GHR: variants seen among roughly 807,000 people sequenced by gnomAD.
GHR encodes growth hormone receptor.
Under a neutral mutation model 67.1 loss-of-function variants are expected in GHR, and 35 were observed. That is an observed-to-expected ratio of 0.52 (90% CI 0.40 to 0.69). The LOEUF is 0.69. Among genes scored for constraint, GHR ranks in the 30% least tolerant of loss-of-function variants. The probability of loss-of-function intolerance (pLI) is 0.00; values close to 1 mark genes in which losing one functional copy is unlikely to be tolerated. For synonymous variants in GHR, 272 were observed against 269.1 expected (o/e 1.01, Z -0.10); for missense variants, 792 against 764.6 (o/e 1.04, Z -0.42).
intron 1 of GHR, chr5:42,565,568 G>A (rs534206265): frequency 1.0e-6 from 1 of 985,392 alleles, no homozygotes; most frequent in East Asian, 1.1e-4. Context: ...GCTGTGCATG[G>A]GGGTCGTTTG....
At chr5:42,456,857 A>G (rs1029555001) in intron 1 of GHR, among the ~76,000 whole-genome samples, 2 of 152,206 alleles carry the variant, frequency 1.3e-5, no homozygotes, top group African/African-American at 2.4e-5. Context: ...GAGAAACTCC[A>G]TCTCATTAAT....
intron 3 of GHR, among the ~76,000 whole-genome samples, chr5:42,666,798 T>C (rs542828829): frequency 1.2e-3 from 183 of 152,308 alleles, no homozygotes; most frequent in African/African-American, 4.3e-3. Flanking sequence ...CAGGTGATGC[T>C]TGTTCACATG....
At chr5:42,570,983 G>A (rs1561130965) in intron 2 of GHR, among the ~76,000 whole-genome samples, 1 of 152,160 alleles carries the variant, frequency 6.6e-6, no homozygotes, top group Non-Finnish European at 1.5e-5. Context: ...ATGTTAAGAA[G>A]ACAGAATTAC....
At chr5:42,554,264 TAAAG>T (rs1749191734) in intron 1 of GHR, among the ~76,000 whole-genome samples, 1 of 151,968 alleles carries the variant, frequency 6.6e-6, no homozygotes, top group African/African-American at 2.4e-5. Flanking sequence ...ATTTTGGAGA[TAAAG>T]AAGTTGAGGC....
chr5:42,521,086 G>T (rs1231004355), intron 1 of GHR, among the ~76,000 whole-genome samples: 1 of 152,200 alleles, frequency 6.6e-6, no homozygotes, highest in Non-Finnish European at 1.5e-5. Context: ...TCTTGAAAGT[G>T]TACGTGTGCA....
At chr5:42,649,538 T>A (rs185559108) in intron 3 of GHR, among the ~76,000 whole-genome samples, 360 of 152,292 alleles carry the variant, frequency 2.4e-3, no homozygotes, top group Non-Finnish European at 3.7e-3. Context: ...CACTTGATAC[T>A]TGCAAAGTAA....
intron 1 of GHR, among the ~76,000 whole-genome samples, chr5:42,489,149 C>T (rs1020227920): frequency 6.6e-6 from 1 of 152,124 alleles, no homozygotes; most frequent in Non-Finnish European, 1.5e-5. Flanking sequence ...CTCTGCCTTA[C>T]CCTCTCTTTT....
chr5:42,635,937 G>A lies in GHR; in HGVS notation c.136+6834G>A, dbSNP rs563654065. Among the ~76,000 whole-genome samples, 16 of 151,914 alleles carry A rather than the reference G, an allele frequency of 1.1e-4. No homozygotes were observed. In the East Asian group the frequency reaches 1.9e-3, roughly 18 times the overall value. On this transcript the variant is annotated intron_variant, in intron 3 of 9. Transcript: ENST00000230882. ...GAGTAAAAAAAATTTTAGGCCAGAC[G>A]CGGTGGCTCATGCCTGTAATCCCAG...
At chr5:42,513,101 T>C (rs1747089586) in intron 1 of GHR, among the ~76,000 whole-genome samples, 2 of 152,206 alleles carry the variant, frequency 1.3e-5, no homozygotes, top group South Asian at 4.1e-4. Context: ...TTGTGTATCA[T>C]TAGCAATAGC....
At chr5:42,480,844 T>C (rs1745595913) in intron 1 of GHR, among the ~76,000 whole-genome samples, 1 of 152,236 alleles carries the variant, frequency 6.6e-6, no homozygotes, top group Admixed American at 6.5e-5. Flanking sequence ...TTTATCCAAT[T>C]TGCCAGCCTG....
At chr5:42,471,169 C>T (rs1192289390) in intron 1 of GHR, among the ~76,000 whole-genome samples, 1 of 152,182 alleles carries the variant, frequency 6.6e-6, no homozygotes, top group East Asian at 1.9e-4. Flanking sequence ...CCCTCAGATT[C>T]CTGGTGCCTG....
At chr5:42,514,762 C>T (rs74393808) in intron 1 of GHR, 1 of 152,236 alleles carries the variant, frequency 6.6e-6, no homozygotes, top group Non-Finnish European at 1.5e-5. Flanking sequence ...GTGGAAGGTC[C>T]CCCATTTCAT....
At chr5:42,664,326 C>T (rs1467688095) in intron 3 of GHR, among the ~76,000 whole-genome samples, 2 of 152,278 alleles carry the variant, frequency 1.3e-5, no homozygotes, top group Non-Finnish European at 2.9e-5. Flanking sequence ...AGGCATCACA[C>T]TACCTGACTT....
intron 3 of GHR, among the ~76,000 whole-genome samples, chr5:42,635,729 C>G (rs140094833): frequency 5.4e-4 from 82 of 152,268 alleles, no homozygotes; most frequent in Non-Finnish European, 9.3e-4. Flanking sequence ...ACTTAGTTTA[C>G]AAGAGACCTG....
At position 42,546,840 on chromosome 5, in the gene GHR, AG is replaced by A. The variant is rs530750501; in HGVS notation, c.-11-19022del. On this transcript the variant is annotated intron_variant, in intron 1 of 9. Coordinates refer to ENST00000230882, the MANE Select transcript of GHR (RefSeq NM_000163.5). ...GAAATGGTGGCTAGTAACAGTAGTG[AG>A]GATAAAGGGGGATGGAATGGACTCA... 3.3e-5 allele frequency among the ~76,000 whole-genome samples: 5 copies of A among 152,272 alleles called. No individual in the cohort carries two copies. In the East Asian group the frequency reaches 9.7e-4, roughly 30 times the overall value.
chr5:42,600,435 A>T (rs192989559), intron 2 of GHR, among the ~76,000 whole-genome samples: 7 of 152,338 alleles, frequency 4.6e-5, no homozygotes, highest in Non-Finnish European at 7.4e-5. Context: ...TGGGACCAGG[A>T]TGGCTAGGCC....
At chr5:42,631,298 T>C (rs1226279996) in intron 3 of GHR, among the ~76,000 whole-genome samples, 4 of 152,222 alleles carry the variant, frequency 2.6e-5, no homozygotes, top group Non-Finnish European at 5.9e-5. Context: ...GTAAGTCACA[T>C]AGATACTGAC....
chr5:42,615,529 G>A (rs1237568766), intron 2 of GHR, among the ~76,000 whole-genome samples: 5 of 152,022 alleles, frequency 3.3e-5, no homozygotes, highest in Non-Finnish European at 7.4e-5. Flanking sequence ...AAATGATTAT[G>A]TATAATTAGC....
chr5:42,659,759 G>C (rs563171896), intron 3 of GHR, among the ~76,000 whole-genome samples: 4 of 152,140 alleles, frequency 2.6e-5, no homozygotes, highest in Non-Finnish European at 5.9e-5. Context: ...AGTGGGCCCG[G>C]GACAGTGGGT....
Sources: allele counts gnomAD v4.1 joint callset (sites outside exome capture counted in the v4.1 genomes callset), GRCh38; gene constraint gnomAD v4.1.1; transcripts MANE v1.5; gene names NCBI Gene and HGNC (gene_info 2026-07-23, HGNC 2026-07-21).